The following GALNTL6 variants were observed in gnomAD, a reference collection of about 807,000 sequenced individuals.
The protein encoded by GALNTL6 is polypeptide N-acetylgalactosaminyltransferase-like 6.
In GALNTL6, 46 loss-of-function variants were observed where a neutral mutation model predicts 73.7. That is an observed-to-expected ratio of 0.62 (90% CI 0.49 to 0.80). The LOEUF (loss-of-function observed/expected upper bound fraction) is 0.80, where lower values mean the gene tolerates loss of function less well. Among genes scored for constraint, GALNTL6 ranks in the 30% least tolerant of loss-of-function variants. The pLI is 0.00. For synonymous variants in GALNTL6, 259 were observed against 263.7 expected (o/e 0.98, Z 0.17); for missense variants, 604 against 755.0 (o/e 0.80, Z 2.34).
At chr4:171,859,253 C>T (rs923867389) in intron 2 of GALNTL6, among the ~76,000 whole-genome samples, 1 of 152,130 alleles carries the variant, frequency 6.6e-6, no homozygotes, top group African/African-American at 2.4e-5. Context: ...TTCGATTATA[C>T]AGTGGTTATC....
chr4:172,941,769 T>A (rs1462468764), intron 9 of GALNTL6, among the ~76,000 whole-genome samples: 1 of 152,170 alleles, frequency 6.6e-6, no homozygotes, highest in African/African-American at 2.4e-5. Context: ...TAACCGAAAA[T>A]GCAACTCTTG....
chr4:171,965,080 A>G (rs1171621025), intron 2 of GALNTL6, among the ~76,000 whole-genome samples: 1 of 152,206 alleles, frequency 6.6e-6, no homozygotes, highest in Non-Finnish European at 1.5e-5. Context: ...AAACTATAAC[A>G]GTTACCATTC....
intron 5 of GALNTL6, among the ~76,000 whole-genome samples, chr4:172,383,198 T>C (rs1743348044): frequency 6.6e-6 from 1 of 152,160 alleles, no homozygotes; most frequent in South Asian, 2.1e-4. Context: ...GACATTGCAT[T>C]GAATCCGTGT....
intron 5 of GALNTL6, among the ~76,000 whole-genome samples, chr4:172,790,665 GC>G (rs1370464717): frequency 2.6e-5 from 4 of 150,974 alleles, no homozygotes; most frequent in African/African-American, 9.9e-5. Flanking sequence ...GCCGAGGCAG[GC>G]GGGATCACGA....
intron 5 of GALNTL6, among the ~76,000 whole-genome samples, chr4:172,603,249 T>A (rs1481561475): frequency 6.6e-6 from 1 of 152,240 alleles, no homozygotes; most frequent in South Asian, 2.1e-4. Flanking sequence ...AAAAATGTTA[T>A]GTGTATACAT....
chr4:172,133,841 G>A (rs1733566040), intron 2 of GALNTL6, among the ~76,000 whole-genome samples: 1 of 152,202 alleles, frequency 6.6e-6, no homozygotes, highest in Non-Finnish European at 1.5e-5. Flanking sequence ...AGAGAGCAAT[G>A]TATTTGGACA....
intron 5 of GALNTL6, among the ~76,000 whole-genome samples, chr4:172,421,480 C>A (rs1264240828): frequency 1.3e-5 from 2 of 150,078 alleles, no homozygotes. Flanking sequence ...CTTTTAATGG[C>A]TAAGAGAGAA....
chr4:172,787,178 G>T (rs1036987470), intron 5 of GALNTL6, among the ~76,000 whole-genome samples: 4 of 152,214 alleles, frequency 2.6e-5, no homozygotes, highest in Admixed American at 2.6e-4. Context: ...AGTGGTCAAG[G>T]TGGGGAGAAG....
chr4:172,799,133 C>T (rs754630734), intron 5 of GALNTL6, among the ~76,000 whole-genome samples: 1 of 152,114 alleles, frequency 6.6e-6, no homozygotes, highest in South Asian at 2.1e-4. Flanking sequence ...AGGCTAAGAG[C>T]GGGCAGAGAT....
intron 5 of GALNTL6, among the ~76,000 whole-genome samples, chr4:172,601,784 A>G (rs938304560): frequency 6.6e-6 from 1 of 152,136 alleles, no homozygotes; most frequent in Non-Finnish European, 1.5e-5. Flanking sequence ...GAGTCCCAGA[A>G]AAGGGGGTTA....
chr4:172,252,284 C>T (rs1737909281), intron 3 of GALNTL6, among the ~76,000 whole-genome samples: 1 of 152,064 alleles, frequency 6.6e-6, no homozygotes. Context: ...TTTCAAGGCT[C>T]TTGGCAGAAA....
At chr4:172,084,761 T>G (rs781718921) in intron 2 of GALNTL6, among the ~76,000 whole-genome samples, 1 of 152,196 alleles carries the variant, frequency 6.6e-6, no homozygotes, top group Non-Finnish European at 1.5e-5. Flanking sequence ...ATTCCTAATA[T>G]TTCATCAGTA....
At chr4:172,383,539 G>C (rs933519048) in intron 5 of GALNTL6, among the ~76,000 whole-genome samples, 8 of 152,118 alleles carry the variant, frequency 5.3e-5, no homozygotes, top group African/African-American at 1.9e-4. Flanking sequence ...CATGCCATCT[G>C]TGAGTCGTCA....
chr4:171,892,848 C>T (rs1353095205), intron 2 of GALNTL6, among the ~76,000 whole-genome samples: 10 of 152,142 alleles, frequency 6.6e-5, no homozygotes, highest in Admixed American at 6.5e-4. Flanking sequence ...AGGCATGAGC[C>T]CCCATGCTCA....
At chr4:172,414,106 A>G (rs973997651) in intron 5 of GALNTL6, among the ~76,000 whole-genome samples, 4 of 152,028 alleles carry the variant, frequency 2.6e-5, no homozygotes, top group African/African-American at 4.8e-5. Context: ...CCTAATTTCT[A>G]TTTTCTTACC....
chr4:172,624,464 G>A (rs1357266532), intron 5 of GALNTL6, among the ~76,000 whole-genome samples: 1 of 151,536 alleles, frequency 6.6e-6, no homozygotes, highest in Non-Finnish European at 1.5e-5. Flanking sequence ...AGCAACCAGC[G>A]TACAGGTAGT....
chr4:172,791,863 C>A (rs1009997430), intron 5 of GALNTL6, among the ~76,000 whole-genome samples: 2 of 152,080 alleles, frequency 1.3e-5, no homozygotes, highest in African/African-American at 4.8e-5. Flanking sequence ...AGAAAACAGC[C>A]CAGCAAAAGA....
intron 2 of GALNTL6, among the ~76,000 whole-genome samples, chr4:171,989,028 A>G (rs1740228593): frequency 1.3e-5 from 2 of 151,998 alleles, no homozygotes; most frequent in South Asian, 4.2e-4. Context: ...GCAGGTGGGG[A>G]TAACTAAAAA....
chr4:172,908,286 T>A (rs751689385), intron 8 of GALNTL6, among the ~76,000 whole-genome samples: 1 of 152,230 alleles, frequency 6.6e-6, no homozygotes, highest in Non-Finnish European at 1.5e-5. Flanking sequence ...GAAGGACTAC[T>A]GTATTTAGCA....
Sources: allele counts gnomAD v4.1 joint callset (sites outside exome capture counted in the v4.1 genomes callset), GRCh38; gene constraint gnomAD v4.1.1; transcripts MANE v1.5; gene names NCBI Gene and HGNC (gene_info 2026-07-23, HGNC 2026-07-21).